Variants in ATXN1 observed in about 807,000 individuals in gnomAD.
The protein encoded by ATXN1 is ataxin-1.
In ATXN1, 8 loss-of-function variants were observed where a neutral mutation model predicts 56.4. That is an observed-to-expected ratio of 0.14 (90% CI 0.08 to 0.26). The LOEUF (loss-of-function observed/expected upper bound fraction) is 0.26. ATXN1 is among the 10% of genes least tolerant of loss of function. ATXN1 has a pLI of 1.00. For missense variants in ATXN1, 987 were observed against 1,106.5 expected, an observed-to-expected ratio of 0.89 and a Z score of 1.53; for synonymous variants, 514 against 494.6, an observed-to-expected ratio of 1.04 and a Z score of -0.52.
At chr6:16,749,566 C>T (rs1239758056) in intron 2 of ATXN1, among the ~76,000 whole-genome samples, 1 of 152,210 alleles carries the variant, frequency 6.6e-6, no homozygotes, top group East Asian at 1.9e-4. Context: ...ACTGAGTTTC[C>T]AAGGTGCCTG....
intron 3 of ATXN1, among the ~76,000 whole-genome samples, chr6:16,629,972 C>T (rs560097440): frequency 6.6e-5 from 10 of 151,988 alleles, no homozygotes; most frequent in African/African-American, 2.4e-4. Context: ...GTCTGTATAA[C>T]CTTCTTCTGG....
At chr6:16,347,998 C>T (rs1353515968) in intron 6 of ATXN1, among the ~76,000 whole-genome samples, 2 of 152,206 alleles carry the variant, frequency 1.3e-5, no homozygotes, top group African/African-American at 4.8e-5. Flanking sequence ...CCAGTGAGAC[C>T]ATGAACCCAC....
intron 6 of ATXN1, among the ~76,000 whole-genome samples, chr6:16,400,273 C>T (rs1218770981): frequency 6.6e-6 from 1 of 152,240 alleles, no homozygotes; most frequent in African/African-American, 2.4e-5. Context: ...AACATTCTCT[C>T]CAACCCAGAC....
chr6:16,479,251 T>C (rs1350344801), intron 6 of ATXN1, among the ~76,000 whole-genome samples: 4 of 152,210 alleles, frequency 2.6e-5, no homozygotes, highest in African/African-American at 7.2e-5. Flanking sequence ...CTAACATAGG[T>C]TTGAAACAGC....
intron 6 of ATXN1, among the ~76,000 whole-genome samples, chr6:16,471,653 A>C (rs954804327): frequency 2.6e-5 from 4 of 151,608 alleles, no homozygotes; most frequent in African/African-American, 9.7e-5. Context: ...CTTTCAGTAG[A>C]GCATGTCAGG....
At chr6:16,701,787 G>T (rs1237405689) in intron 2 of ATXN1, among the ~76,000 whole-genome samples, 1 of 152,090 alleles carries the variant, frequency 6.6e-6, no homozygotes, top group Non-Finnish European at 1.5e-5. Flanking sequence ...GGGATGTGAA[G>T]AACCCCTTCA....
intron 2 of ATXN1, among the ~76,000 whole-genome samples, chr6:16,696,319 A>G (rs1412360105): frequency 5.9e-5 from 9 of 152,256 alleles, no homozygotes. Context: ...AGGCTGTGGC[A>G]TCGAGAAGAA....
intron 6 of ATXN1, among the ~76,000 whole-genome samples, chr6:16,380,523 C>T (rs1758080038): frequency 6.6e-6 from 1 of 151,512 alleles, no homozygotes; most frequent in Admixed American, 6.6e-5. Context: ...ATGCCAGACA[C>T]ATTTCAGATG....
At chr6:16,536,883 C>T (rs181164553) in intron 4 of ATXN1, among the ~76,000 whole-genome samples, 53 of 152,330 alleles carry the variant, frequency 3.5e-4, no homozygotes, top group African/African-American at 1.3e-3. Context: ...AGCACTGGTA[C>T]TTATCATGGT....
chr6:16,466,481 CAGAAAAG>C (rs1477914178), intron 6 of ATXN1, among the ~76,000 whole-genome samples: 1 of 151,976 alleles, frequency 6.6e-6, no homozygotes, highest in Non-Finnish European at 1.5e-5. Context: ...TTGATATTGG[CAGAAAAG>C]AGAAAAGGGG....
At chr6:16,513,501 G>C (rs1021810447) in intron 5 of ATXN1, among the ~76,000 whole-genome samples, 2 of 152,164 alleles carry the variant, frequency 1.3e-5, no homozygotes, top group Non-Finnish European at 2.9e-5. Context: ...AGCTTAGGCT[G>C]TCTGTTTAAA....
intron 3 of ATXN1, among the ~76,000 whole-genome samples, chr6:16,589,577 T>A (rs1223486895): frequency 6.6e-6 from 1 of 152,148 alleles, no homozygotes; most frequent in Non-Finnish European, 1.5e-5. Flanking sequence ...GATTACAAAT[T>A]CATCTGTGAA....
chr6:16,695,563 G>A (rs959326678), intron 2 of ATXN1, among the ~76,000 whole-genome samples: 9 of 152,220 alleles, frequency 5.9e-5, no homozygotes, highest in African/African-American at 2.2e-4. Context: ...GCCCAGCCTA[G>A]GACGGAGACA....
At chr6:16,667,019 T>A (rs1163462439) in intron 2 of ATXN1, 2 of 152,210 alleles carry the variant, frequency 1.3e-5, no homozygotes, top group Non-Finnish European at 2.9e-5. Flanking sequence ...ACACTGGTTA[T>A]CTTTGGGTGT....
At chr6:16,355,265 G>A (rs905077939) in intron 6 of ATXN1, among the ~76,000 whole-genome samples, 6 of 152,182 alleles carry the variant, frequency 3.9e-5, no homozygotes, top group African/African-American at 1.4e-4. Flanking sequence ...CTTACATACA[G>A]AGCACCTAAA....
rs565366078 is a variant in ATXN1 at position 16,749,095 on chromosome 6, G to A, written c.-615+4138C>T. 2.4e-4 allele frequency among the ~76,000 whole-genome samples: 36 copies of A among 152,246 alleles called. No homozygotes were observed. In the South Asian group the frequency reaches 6.6e-3, roughly 28 times the overall value. ...GTAGCTAGGTATATACAGTATACACGCACGCACAAAAACACACACATCTCA... is the reference window on the plus strand; with the variant it reads ...GTAGCTAGGTATATACAGTATACACACACGCACAAAAACACACACATCTCA... On this transcript the variant is annotated intron_variant, in intron 2 of 7. Coordinates refer to ENST00000436367, the MANE Select transcript of ATXN1 (RefSeq NM_001128164.2).
At chr6:16,726,121 C>G (rs1261224472) in intron 2 of ATXN1, among the ~76,000 whole-genome samples, 1 of 152,192 alleles carries the variant, frequency 6.6e-6, no homozygotes, top group African/African-American at 2.4e-5. Flanking sequence ...TGGCTCATGC[C>G]TGTAATCCCA....
At chr6:16,460,466 A>G (rs1759970590) in intron 6 of ATXN1, among the ~76,000 whole-genome samples, 1 of 152,220 alleles carries the variant, frequency 6.6e-6, no homozygotes, top group Non-Finnish European at 1.5e-5. Context: ...GGATCTCACC[A>G]TCTAGACTAC....
At chr6:16,385,652 C>T (rs186717976) in intron 6 of ATXN1, among the ~76,000 whole-genome samples, 21 of 152,336 alleles carry the variant, frequency 1.4e-4, no homozygotes, top group Admixed American at 2.6e-4. Flanking sequence ...TCTAACTTGA[C>T]GCTGAAAGTT....
Sources: gnomAD v4.1 joint callset for allele counts (sites outside exome capture counted in the v4.1 genomes callset) on GRCh38, gnomAD v4.1.1 for gene constraint, MANE v1.5 for transcripts, NCBI Gene and HGNC (gene_info 2026-07-23, HGNC 2026-07-21) for gene names.